The following IL1RAP variants were observed in gnomAD, a reference collection of about 807,000 sequenced individuals.
The protein encoded by IL1RAP is interleukin 1 receptor accessory protein, also known as interleukin-1 receptor accessory protein.
In IL1RAP, 35 loss-of-function variants were observed where a neutral mutation model predicts 60.7. The ratio of observed to expected loss-of-function variants is 0.58; its 90% CI spans 0.44 to 0.76. The LOEUF is 0.76. Ranked by LOEUF, IL1RAP falls within the 30% of genes least tolerant of loss-of-function variation. The pLI is 0.00. For missense variants in IL1RAP, 572 were observed against 693.9 expected (o/e 0.82, Z 1.97); for synonymous variants, 268 against 250.9 (o/e 1.07, Z -0.64).
At chr3:190,605,441 C>T (rs1189356827) in intron 4 of IL1RAP, among the ~76,000 whole-genome samples, 1 of 152,168 alleles carries the variant, frequency 6.6e-6, no homozygotes, top group Non-Finnish European at 1.5e-5. Context: ...TTTTTACTCA[C>T]AGTCACTTTT....
chr3:190,652,626 C>T (rs1179893398), downstream of IL1RAP, among the ~76,000 whole-genome samples: 3 of 152,190 alleles, frequency 2.0e-5, no homozygotes, highest in East Asian at 3.9e-4. Flanking sequence ...CAACAGATTT[C>T]TGCTCAGTTA....
chr3:190,517,820 A>G (rs1404571839), intron 1 of IL1RAP: 1 of 152,214 alleles, frequency 6.6e-6, no homozygotes, highest in African/African-American at 2.4e-5. Context: ...TCTCCAGCCT[A>G]TACACAGCTT....
At chr3:190,525,521 G>A (rs1722433699) in intron 1 of IL1RAP, among the ~76,000 whole-genome samples, 1 of 152,188 alleles carries the variant, frequency 6.6e-6, no homozygotes, top group Non-Finnish European at 1.5e-5. Flanking sequence ...GCAGGATGAT[G>A]AGCAGGTCAA....
rs1370185205 is a variant in IL1RAP, at chr3:190,648,847, T to C, written c.*142T>C. 1 of 1,430,140 alleles carries C rather than the reference T, an allele frequency of 7.0e-7. No individual in the cohort carries two copies. The highest frequency in any genetic ancestry group is 9.1e-7 in the Non-Finnish European group (1 of 1,093,240). The allele number at this position is 1,430,140 out of a possible 1,614,324, so 88.6% of individuals were successfully genotyped here. A position where few individuals can be genotyped will look rare whatever the true frequency, so the allele number is the denominator to read the frequency against. ...TAGGGATAAATTTAGGGTGACTGTG[T>C]GGCTGACTATTCTGCTTCCTCAGGC... On this transcript the variant is annotated 3_prime_UTR_variant, in exon 12 of 12. Coordinates refer to ENST00000447382, the MANE Select transcript of IL1RAP (RefSeq NM_002182.4).
At chr3:190,515,483 G>A (rs1217690768) in intron 1 of IL1RAP, among the ~76,000 whole-genome samples, 1 of 151,928 alleles carries the variant, frequency 6.6e-6, no homozygotes, top group East Asian at 1.9e-4. Context: ...CTGTAAATGT[G>A]GTGTCTTTCT....
At chr3:190,519,447 G>A (rs1474160762) in intron 1 of IL1RAP, among the ~76,000 whole-genome samples, 1 of 152,076 alleles carries the variant, frequency 6.6e-6, no homozygotes, top group African/African-American at 2.4e-5. Context: ...GGCTCAGAGA[G>A]ACTTATAGAC....
intron 1 of IL1RAP, among the ~76,000 whole-genome samples, chr3:190,544,620 TC>T (rs1339454260): frequency 6.6e-6 from 1 of 152,140 alleles, no homozygotes; most frequent in African/African-American, 2.4e-5. Context: ...ACAGTCAAAC[TC>T]CACCTCCACC....
At chr3:190,584,886 T>A (rs1728316453) in intron 3 of IL1RAP, among the ~76,000 whole-genome samples, 1 of 152,196 alleles carries the variant, frequency 6.6e-6, no homozygotes, top group East Asian at 1.9e-4. Flanking sequence ...ATAGAACTTC[T>A]AGGTTTTTTC....
intron 1 of IL1RAP, among the ~76,000 whole-genome samples, chr3:190,539,778 TTTTTTTGACA>T (rs1442901029): frequency 1.3e-5 from 2 of 151,686 alleles, no homozygotes; most frequent in Non-Finnish European, 2.9e-5. Flanking sequence ...TAACAGGTGA[TTTTTTTGACA>T]TAGATAAGAA....
chr3:190,538,985 C>A (rs1723707498), intron 1 of IL1RAP, among the ~76,000 whole-genome samples: 1 of 152,122 alleles, frequency 6.6e-6, no homozygotes, highest in African/African-American at 2.4e-5. Context: ...AATTAAACAT[C>A]TTTCCTTTAA....
At position 190,649,606 on chromosome 3, in the gene IL1RAP, T is replaced by C; in HGVS notation, c.*901T>C. 1.0e-6 allele frequency: 1 copy of C among 985,892 alleles called. No individual in the cohort carries two copies. Among genetic ancestry groups the C allele is most frequent in the South Asian group, 4.7e-5 (1 of 21,292 alleles). 61.1% of individuals were successfully genotyped at this position (985,892 alleles called of 1,614,324 possible). A position where few individuals can be genotyped will look rare whatever the true frequency, so the allele number is the denominator to read the frequency against. On this transcript the variant is annotated 3_prime_UTR_variant, in exon 12 of 12. Transcript: ENST00000447382. ...GCACAGAAAAGGATGTTTGGCAATT[T>C]GTCTTTTAAGTCTTAACCTTGCTAA...
intron 1 of IL1RAP, among the ~76,000 whole-genome samples, chr3:190,539,169 T>G (rs200180775): frequency 6.6e-6 from 1 of 152,140 alleles, no homozygotes; most frequent in African/African-American, 2.4e-5. Context: ...GTCCAGGGGA[T>G]TGTATTTAAA....
intron 3 of IL1RAP, among the ~76,000 whole-genome samples, chr3:190,589,358 CA>C (rs1168166560): frequency 6.6e-6 from 1 of 152,152 alleles, no homozygotes; most frequent in Non-Finnish European, 1.5e-5. Flanking sequence ...CTCATGCTCT[CA>C]GCTTTTGTTG....
chr3:190,586,439 G>A (rs1470359113), intron 3 of IL1RAP, among the ~76,000 whole-genome samples: 5 of 152,196 alleles, frequency 3.3e-5, no homozygotes, highest in Non-Finnish European at 7.3e-5. Context: ...GTGGCTGATA[G>A]TTGTAACTGG....
At chr3:190,578,652 A>G (rs1174551296) in intron 3 of IL1RAP, among the ~76,000 whole-genome samples, 1 of 152,194 alleles carries the variant, frequency 6.6e-6, no homozygotes. Context: ...TGGATACTGT[A>G]TTAGTCTGTT....
At chr3:190,656,214 G>C (rs767857268), downstream of IL1RAP, 2 of 1,537,234 alleles carry the variant, frequency 1.3e-6, no homozygotes, top group South Asian at 1.2e-5. Context: ...GCTGGAATGA[G>C]AGCTGCTCTT....
At position 190,538,558 on chromosome 3, in the gene IL1RAP, G is replaced by C. The variant is rs186423859; in HGVS notation, c.-88-17572G>C. Among the ~76,000 whole-genome samples the C allele has an allele frequency of 1.9e-3, 292 of 152,222 alleles. 3 individuals are homozygous for C. The highest frequency in any genetic ancestry group is 6.6e-3 in the African/African-American group (274 of 41,550). Reference sequence around the variant, plus strand: ...AAAGCTTGCATTTTCAATGAAGAGGGGTGTTTGAGGGAAAAAACAAATACA... The same window carrying C: ...AAAGCTTGCATTTTCAATGAAGAGGCGTGTTTGAGGGAAAAAACAAATACA... On this transcript the variant is annotated intron_variant, in intron 1 of 11. Transcript: ENST00000447382.
chr3:190,523,465 C>T (rs1014347290), intron 1 of IL1RAP, among the ~76,000 whole-genome samples: 1 of 151,948 alleles, frequency 6.6e-6, no homozygotes, highest in Non-Finnish European at 1.5e-5. Context: ...TATTTCATTG[C>T]CCAGGTATTA....
intron 11 of IL1RAP, among the ~76,000 whole-genome samples, chr3:190,647,257 T>C (rs1373747911): frequency 6.6e-6 from 1 of 152,092 alleles, no homozygotes. Flanking sequence ...CATGCTAGAT[T>C]TTAATCACAA....
Sources: allele counts gnomAD v4.1 joint callset (sites outside exome capture counted in the v4.1 genomes callset), GRCh38; gene constraint gnomAD v4.1.1; transcripts MANE v1.5; gene names NCBI Gene and HGNC (gene_info 2026-07-23, HGNC 2026-07-21).